The following PDE4D variants were observed in gnomAD, a reference collection of about 807,000 sequenced individuals.
PDE4D encodes phosphodiesterase 4D, also known as 3',5'-cyclic-AMP phosphodiesterase 4D.
A neutral mutation model predicts 87.4 loss-of-function variants in PDE4D; 24 were observed. The observed-to-expected ratio is 0.27, with a 90% CI of 0.20 to 0.39. The LOEUF (loss-of-function observed/expected upper bound fraction) is 0.39. PDE4D is among the 10% of genes least tolerant of loss of function. The pLI is 1.00. For synonymous variants in PDE4D, 384 were observed against 383.2 expected, an observed-to-expected ratio of 1.00 and a Z score of -0.02; for missense variants, 714 against 1,041.0, an observed-to-expected ratio of 0.69 and a Z score of 4.32.
At chr5:60,062,091 C>T (rs533371668) in intron 2 of PDE4D, among the ~76,000 whole-genome samples, 15 of 152,194 alleles carry the variant, frequency 9.9e-5, no homozygotes, top group Middle Eastern at 3.4e-3. Context: ...AGCTTCTGCA[C>T]AGCAAAAGAA....
intron 1 of PDE4D, among the ~76,000 whole-genome samples, chr5:59,517,673 A>T (rs541858767): frequency 6.6e-6 from 1 of 152,326 alleles, no homozygotes; most frequent in Admixed American, 6.5e-5. Context: ...TGAAAGGAGG[A>T]TATATTTCAT....
chr5:60,059,539 A>T (rs535247077), intron 2 of PDE4D, among the ~76,000 whole-genome samples: 37 of 152,124 alleles, frequency 2.4e-4, no homozygotes, highest in African/African-American at 8.2e-4. Flanking sequence ...TAAAGAAGAG[A>T]TAGCACATGA....
intron 2 of PDE4D, among the ~76,000 whole-genome samples, chr5:60,012,964 A>G (rs1402201167): frequency 2.6e-5 from 4 of 152,142 alleles, no homozygotes; most frequent in Admixed American, 2.6e-4. Context: ...GCTCCAAACT[A>G]CCAAATTTTT....
At chr5:59,044,876 G>A (rs1760355183) in intron 5 of PDE4D, among the ~76,000 whole-genome samples, 9 of 152,192 alleles carry the variant, frequency 5.9e-5, no homozygotes, top group Admixed American at 5.9e-4. Flanking sequence ...TTTTCCGAAT[G>A]TTGCCTATGC....
chr5:59,585,063 G>T (rs1213028496), intron 1 of PDE4D, among the ~76,000 whole-genome samples: 1 of 152,128 alleles, frequency 6.6e-6, no homozygotes, highest in African/African-American at 2.4e-5. Context: ...TGATGCAGTT[G>T]GAAGTGGGCC....
At chr5:59,836,950 C>T (rs1190278226) in intron 1 of PDE4D, among the ~76,000 whole-genome samples, 1 of 151,926 alleles carries the variant, frequency 6.6e-6, no homozygotes, top group African/African-American at 2.4e-5. Context: ...TCTATCTTCC[C>T]CCTACATTCT....
At chr5:60,227,310 T>C (rs910656169) in intron 1 of PDE4D, among the ~76,000 whole-genome samples, 2 of 151,992 alleles carry the variant, frequency 1.3e-5, no homozygotes, top group African/African-American at 2.4e-5. Flanking sequence ...CAGTTGTGCA[T>C]AAAATATAAA....
intron 1 of PDE4D, among the ~76,000 whole-genome samples, chr5:59,301,163 ACTCT>A (rs935957358): frequency 1.3e-5 from 2 of 151,692 alleles, no homozygotes; most frequent in African/African-American, 4.8e-5. Flanking sequence ...ATAGGGCAGT[ACTCT>A]CTCTGGGGAA....
chr5:59,780,086 G>A (rs1392697085), intron 1 of PDE4D, among the ~76,000 whole-genome samples: 4 of 152,034 alleles, frequency 2.6e-5, no homozygotes, highest in East Asian at 1.9e-4. Flanking sequence ...TCAGTGAGCC[G>A]GGCGCGGTGG....
chr5:59,190,598 C>G (rs910923491), intron 3 of PDE4D, among the ~76,000 whole-genome samples: 1 of 152,066 alleles, frequency 6.6e-6, no homozygotes, highest in African/African-American at 2.4e-5. Flanking sequence ...ACATAAGTAT[C>G]TTATATTTTT....
At chr5:60,103,267 T>C (rs935695370) in intron 2 of PDE4D, among the ~76,000 whole-genome samples, 3 of 152,116 alleles carry the variant, frequency 2.0e-5, no homozygotes, top group African/African-American at 7.2e-5. Flanking sequence ...TCAAAACAAA[T>C]GATGATGATG....
intron 1 of PDE4D, among the ~76,000 whole-genome samples, chr5:59,658,734 T>C (rs1744776209): frequency 1.3e-5 from 2 of 152,296 alleles, no homozygotes; most frequent in Non-Finnish European, 2.9e-5. Flanking sequence ...TCAACAAATA[T>C]ACATTGCCAA....
intron 1 of PDE4D, among the ~76,000 whole-genome samples, chr5:59,328,176 C>T (rs1776052953): frequency 6.6e-6 from 1 of 152,134 alleles, no homozygotes; most frequent in Non-Finnish European, 1.5e-5. Context: ...ATTATATAGA[C>T]TCTGAAGACA....
intron 1 of PDE4D, among the ~76,000 whole-genome samples, chr5:59,602,698 A>G (rs1827683720): frequency 6.6e-6 from 1 of 152,120 alleles, no homozygotes; most frequent in Non-Finnish European, 1.5e-5. Context: ...ACTAAATTTC[A>G]TATGGAACCA....
intron 3 of PDE4D, among the ~76,000 whole-genome samples, chr5:59,931,920 C>T (rs949589146): frequency 7.2e-5 from 11 of 152,092 alleles, no homozygotes; most frequent in Non-Finnish European, 1.5e-4. Context: ...CCAGGATGGT[C>T]TTGATCTCCT....
At chr5:59,549,100 G>A (rs944128249) in intron 1 of PDE4D, among the ~76,000 whole-genome samples, 1 of 152,114 alleles carries the variant, frequency 6.6e-6, no homozygotes, top group Non-Finnish European at 1.5e-5. Flanking sequence ...TAAATAAATA[G>A]CAATAATTGG....
rs75371719 is a variant in PDE4D, at chr5:59,546,320, C to T, written c.456-330352G>A. ...GAGGGGACCCACAAAGCCAAAAGTG[C>T]GTTGCGCTCATCAAAATCATAGTGA... On this transcript the variant is annotated intron_variant, in intron 1 of 14. Transcript: ENST00000340635. Among the ~76,000 whole-genome samples the T allele has an allele frequency of 2.5e-3, 375 of 152,124 alleles. 2 individuals carry two copies. The highest frequency in any genetic ancestry group is 8.4e-3 in the African/African-American group (350 of 41,536).
chr5:60,082,306 C>T (rs910163987), intron 2 of PDE4D, among the ~76,000 whole-genome samples: 24 of 152,136 alleles, frequency 1.6e-4, no homozygotes, highest in African/African-American at 1.2e-4. Flanking sequence ...CTGTTATCCA[C>T]GATGTAAGGA....
chr5:60,158,509 T>C (rs572056595), intron 2 of PDE4D, among the ~76,000 whole-genome samples: 11 of 152,226 alleles, frequency 7.2e-5, no homozygotes, highest in Non-Finnish European at 1.5e-4. Context: ...CATTGCTGTC[T>C]ACTAATGTAG....
Sources: allele counts gnomAD v4.1 joint callset (sites outside exome capture counted in the v4.1 genomes callset), GRCh38; gene constraint gnomAD v4.1.1; transcripts MANE v1.5; gene names NCBI Gene and HGNC (gene_info 2026-07-23, HGNC 2026-07-21).